The following B3GNT2 variants were observed in gnomAD, a reference collection of about 807,000 sequenced individuals.
B3GNT2 encodes the protein UDP-GlcNAc:betaGal beta-1,3-N-acetylglucosaminyltransferase 2.
Under a neutral mutation model 27.6 loss-of-function variants are expected in B3GNT2, and 12 were observed. The ratio of observed to expected loss-of-function variants is 0.44; its 90% confidence interval spans 0.28 to 0.71. The LOEUF (loss-of-function observed/expected upper bound fraction) is 0.71, where lower values mean the gene tolerates loss of function less well. B3GNT2 is among the 30% of genes least tolerant of loss of function. B3GNT2 has a pLI of 0.17. For missense variants in B3GNT2, 413 were observed against 488.5 expected (o/e 0.85, Z 1.46); for synonymous variants, 192 against 189.7 (o/e 1.01, Z -0.10).
intron 1 of B3GNT2, among the ~76,000 whole-genome samples, chr2:62,199,729 A>G (rs1358249975): frequency 6.6e-6 from 1 of 152,292 alleles, no homozygotes; most frequent in Non-Finnish European, 1.5e-5. Context: ...TAAAGAAAAC[A>G]GCACAAACAC....
At position 62,222,995 on chromosome 2, in the gene B3GNT2, T is replaced by C; in HGVS notation, c.775T>C (p.Leu259=). The change falls in exon 2 of 2, where the codon TTG becomes CTG. Residue 259 remains leucine, a synonymous_variant. Coordinates refer to ENST00000301998, the MANE Select transcript of B3GNT2 (RefSeq NM_006577.6). This position sits in a 1 kb window ranked among gnomAD's most constrained non-coding sequence, Gnocchi z 4.2. ...FVNTHHILNY[L]NSLSKTKAKD... ...GAACACCCATCACATCCTGAATTAC[T>C]TGAATAGTTTATCCAAGACCAAAGC... The C allele has an allele frequency of 1.2e-6, 2 of 1,614,246 alleles. No homozygotes were observed. The highest frequency in any genetic ancestry group is 1.7e-6 in the Non-Finnish European group (2 of 1,180,052).
intron 1 of B3GNT2, among the ~76,000 whole-genome samples, chr2:62,213,226 C>A (rs527878337): frequency 6.6e-6 from 1 of 152,224 alleles, no homozygotes; most frequent in South Asian, 2.1e-4. Flanking sequence ...ATCGCTTGGG[C>A]CTGGGAGGTT....
At chr2:62,202,506 C>A (rs1674283872) in intron 1 of B3GNT2, among the ~76,000 whole-genome samples, 1 of 151,904 alleles carries the variant, frequency 6.6e-6, no homozygotes, top group African/African-American at 2.4e-5. Context: ...AGAGATGTGG[C>A]AGTTAATAGT....
intron 1 of B3GNT2, among the ~76,000 whole-genome samples, chr2:62,215,201 C>G (rs1674549722): frequency 6.6e-6 from 1 of 152,178 alleles, no homozygotes; most frequent in Non-Finnish European, 1.5e-5. Flanking sequence ...ATACGTTTCC[C>G]TTTTAATTTG....
intron 1 of B3GNT2, among the ~76,000 whole-genome samples, chr2:62,206,772 G>A (rs2104192557): frequency 6.6e-6 from 1 of 152,292 alleles, no homozygotes; most frequent in East Asian, 1.9e-4. Flanking sequence ...TTGGAAGAGC[G>A]AGTCAGGCAG....
At position 62,219,184 on chromosome 2, in the gene B3GNT2, T is replaced by C. The variant is rs144750594; in HGVS notation, c.-9-3028T>C. On this transcript the variant is annotated intron_variant, in intron 1 of 1. Transcript: ENST00000301998. ...AGCTCTGGAAGTTCACAGCCTCCTA[T>C]GTAAAGTACTGTGCTTCCCTTTTTT... Among the ~76,000 whole-genome samples, 131 of 152,342 alleles carry C rather than the reference T, an allele frequency of 8.6e-4. 2 individuals carry two copies. Among genetic ancestry groups the C allele is most frequent in the African/African-American group, 3.1e-3 (128 of 41,572 alleles).
Position 62,223,440 on chromosome 2 carries a change from A to G in B3GNT2, c.*26A>G, listed in dbSNP as rs1265676937. On this transcript the variant is annotated 3_prime_UTR_variant, in exon 2 of 2. Transcript: ENST00000301998. Reference sequence around the variant, plus strand: ...AATAGATACAAACTCAATTTTGCATAGAAAGGTGTATTTTGAATAGTTCCC... The same window carrying G: ...AATAGATACAAACTCAATTTTGCATGGAAAGGTGTATTTTGAATAGTTCCC... 6.5e-7 allele frequency: 1 copy of G among 1,535,664 alleles called. No homozygotes were observed. Among genetic ancestry groups the G allele is most frequent in the East Asian group, 2.3e-5 (1 of 44,388 alleles).
chr2:62,202,608 T>C (rs1423423079), intron 1 of B3GNT2, among the ~76,000 whole-genome samples: 1 of 152,054 alleles, frequency 6.6e-6, no homozygotes, highest in Non-Finnish European at 1.5e-5. Context: ...CAGGCTTGCA[T>C]TGAGGAAGAT....
Position 62,221,546 on chromosome 2 carries a change from C to A in B3GNT2, c.-9-666C>A, listed in dbSNP as rs117938656. ...AGAGAGAGAGATAGGGTCAGACATG[C>A]CTATAATCCCAGCACTTTGGGAGGC... On this transcript the variant is annotated intron_variant, in intron 1 of 1. Transcript: ENST00000301998. 4.2e-4 allele frequency among the ~76,000 whole-genome samples: 64 copies of A among 152,238 alleles called. 2 individuals carry two copies. The East Asian group carries it at 0.01, about 24-fold the overall frequency.
chr2:62,211,078 G>A (rs578236058), intron 1 of B3GNT2, among the ~76,000 whole-genome samples: 1 of 152,288 alleles, frequency 6.6e-6, no homozygotes, highest in East Asian at 1.9e-4. Flanking sequence ...TAAAGCAGTT[G>A]GGTGGGGTGG....
intron 1 of B3GNT2, among the ~76,000 whole-genome samples, chr2:62,217,262 G>C (rs1005616108): frequency 3.3e-5 from 5 of 152,214 alleles, no homozygotes. Context: ...TTCCGTGATT[G>C]TGTGATGGTT....
intron 1 of B3GNT2, among the ~76,000 whole-genome samples, chr2:62,198,127 A>C (rs1391638380): frequency 6.6e-6 from 1 of 152,178 alleles, no homozygotes. Context: ...TCCCTACAGC[A>C]AGGGTTCACT....
Position 62,223,710 on chromosome 2 carries a change from A to G in B3GNT2, c.*296A>G, listed in dbSNP as rs1384150847. On this transcript the variant is annotated 3_prime_UTR_variant, in exon 2 of 2. Transcript: ENST00000301998. ...GAAATCCTGTTTCTGGAATTTGGCCATTTTAAGTGATTTTGTTTGCCCTCT... is the reference window on the plus strand; with the variant it reads ...GAAATCCTGTTTCTGGAATTTGGCCGTTTTAAGTGATTTTGTTTGCCCTCT... 1 of 265,604 alleles carries G rather than the reference A, an allele frequency of 3.8e-6. No homozygotes were observed. The allele number at this position is 265,604 out of a possible 1,614,324, so 16.5% of individuals were successfully genotyped here.
chr2:62,216,445 A>G (rs1674574411), intron 1 of B3GNT2, among the ~76,000 whole-genome samples: 1 of 150,626 alleles, frequency 6.6e-6, no homozygotes, highest in African/African-American at 2.5e-5. Context: ...TCACTCTGTC[A>G]CTCAGCCTGG....
intron 1 of B3GNT2, among the ~76,000 whole-genome samples, chr2:62,213,196 C>T (rs1042114715): frequency 4.6e-5 from 7 of 152,060 alleles, no homozygotes; most frequent in Admixed American, 2.0e-4. Context: ...CCCAGCTGCT[C>T]GAGAGGCTGA....
At chr2:62,208,392 T>C (rs1167549256) in intron 1 of B3GNT2, among the ~76,000 whole-genome samples, 1 of 152,256 alleles carries the variant, frequency 6.6e-6, no homozygotes, top group Non-Finnish European at 1.5e-5. Flanking sequence ...CTATTAATTT[T>C]TAATTGCCTT....
chr2:62,214,808 T>A (rs1674542283), intron 1 of B3GNT2, among the ~76,000 whole-genome samples: 1 of 152,194 alleles, frequency 6.6e-6, no homozygotes, highest in Non-Finnish European at 1.5e-5. Context: ...CCTGGTCCTG[T>A]CACTCCAGAT....
In B3GNT2 at chr2:62,223,061, C is replaced by G; in HGVS notation, c.841C>G (p.Pro281Ala). 3.1e-6 allele frequency: 5 copies of G among 1,614,182 alleles called. No homozygotes were observed. The highest frequency in any genetic ancestry group is 4.2e-6 in the Non-Finnish European group (5 of 1,180,018). ...AGGTGATGTGATCCACAATGCTGGA[C>G]CTCATCGGGATAAGAAGCTGAAGTA... is the stretch of plus-strand genomic sequence containing the variant. ...FIGDVIHNAGPHRDKKLKYYI... is the reference protein window; with the variant it reads ...FIGDVIHNAGAHRDKKLKYYI... The change falls in exon 2 of 2, where the codon CCT becomes GCT. Residue 281 changes from proline to alanine, a missense_variant. Coordinates refer to ENST00000301998, the MANE Select transcript of B3GNT2 (RefSeq NM_006577.6).
At chr2:62,217,280 C>T (rs1300032230) in intron 1 of B3GNT2, among the ~76,000 whole-genome samples, 1 of 152,206 alleles carries the variant, frequency 6.6e-6, no homozygotes, top group East Asian at 1.9e-4. Context: ...GTTGAAAACT[C>T]GCACTCTGGA....
Sources: gnomAD v4.1 joint callset for allele counts (sites outside exome capture counted in the v4.1 genomes callset) on GRCh38, gnomAD v4.1.1 for gene constraint, Gnocchi (gnomAD v3.1) non-coding constraint, MANE v1.5 for transcripts, NCBI Gene and HGNC (gene_info 2026-07-23, HGNC 2026-07-21) for gene names.